Variants in PTPRD observed in about 807,000 individuals in gnomAD.
PTPRD encodes receptor-type tyrosine-protein phosphatase delta.
A neutral mutation model predicts 214.5 loss-of-function variants in PTPRD; 34 were observed. The observed-to-expected ratio is 0.16, with a 90% CI of 0.12 to 0.21. The LOEUF is 0.21. Among genes scored for constraint, PTPRD ranks in the 10% least tolerant of loss-of-function variants. The pLI, the probability that PTPRD is intolerant of heterozygous loss-of-function variation, is 1.00. For missense variants in PTPRD, 2,545 were observed against 2,398.7 expected (o/e 1.06, Z -1.27); for synonymous variants, 1,128 against 845.7 (o/e 1.33, Z -5.79).
intron 11 of PTPRD, among the ~76,000 whole-genome samples, chr9:8,738,194 A>T (rs1490491459): frequency 6.6e-6 from 1 of 152,232 alleles, no homozygotes; most frequent in Non-Finnish European, 1.5e-5. Context: ...ATAATTTGAA[A>T]TGGAACAACA....
chr9:9,350,215 A>G (rs1318947080), intron 9 of PTPRD, among the ~76,000 whole-genome samples: 1 of 152,056 alleles, frequency 6.6e-6, no homozygotes, highest in African/African-American at 2.4e-5. Context: ...AATTTTTGTC[A>G]TATAGAAATA....
chr9:9,170,929 G>A (rs1222504316), intron 10 of PTPRD, among the ~76,000 whole-genome samples: 1 of 152,166 alleles, frequency 6.6e-6, no homozygotes, highest in Non-Finnish European at 1.5e-5. Context: ...CCAGATGCAA[G>A]TGTGGTGACT....
intron 3 of PTPRD, among the ~76,000 whole-genome samples, chr9:10,060,803 C>CTTTCTTTCTTT (rs1555531077): frequency 1.4e-4 from 14 of 103,250 alleles, no homozygotes; most frequent in African/African-American, 1.2e-3. Context: ...TTTCTTTCTT[C>CTTTCTTTCTTT]CTTTCTTTCT....
At chr9:10,486,985 C>T (rs1450867972) in intron 2 of PTPRD, among the ~76,000 whole-genome samples, 1 of 152,114 alleles carries the variant, frequency 6.6e-6, no homozygotes, top group Non-Finnish European at 1.5e-5. Context: ...CTGGGTGCTC[C>T]AGTGTTGGAT....
intron 7 of PTPRD, among the ~76,000 whole-genome samples, chr9:9,695,435 G>C (rs1386414171): frequency 6.6e-6 from 1 of 152,148 alleles, no homozygotes; most frequent in Admixed American, 6.5e-5. Context: ...CCCTCTCTTA[G>C]CTGTGCCCAT....
At chr9:8,890,475 A>G (rs1313714726) in intron 11 of PTPRD, among the ~76,000 whole-genome samples, 1 of 152,220 alleles carries the variant, frequency 6.6e-6, no homozygotes, top group South Asian at 2.1e-4. Flanking sequence ...CTTGCAAGTG[A>G]CACAGAACCA....
chr9:10,303,603 T>C (rs1195260441), intron 3 of PTPRD, among the ~76,000 whole-genome samples: 3 of 152,130 alleles, frequency 2.0e-5, no homozygotes, highest in Non-Finnish European at 4.4e-5. Flanking sequence ...CCTACAGTAA[T>C]ACAAACTACC....
intron 8 of PTPRD, among the ~76,000 whole-genome samples, chr9:9,504,467 C>T (rs1191919885): frequency 6.6e-6 from 1 of 151,612 alleles, no homozygotes; most frequent in Non-Finnish European, 1.5e-5. Context: ...CACACATTTA[C>T]TATGGTTTCA....
intron 2 of PTPRD, among the ~76,000 whole-genome samples, chr9:10,376,595 C>G (rs779898190): frequency 7.9e-5 from 12 of 151,638 alleles, no homozygotes; most frequent in Non-Finnish European, 1.3e-4. Context: ...AATCATCCCC[C>G]TATCTCATAG....
At chr9:9,932,105 G>C (rs1243495993) in intron 5 of PTPRD, among the ~76,000 whole-genome samples, 26 of 142,196 alleles carry the variant, frequency 1.8e-4, no homozygotes, top group East Asian at 1.1e-3. Flanking sequence ...ACCAAAAGTA[G>C]ATAAAACCAC....
chr9:8,899,516 A>C (rs16928589), intron 11 of PTPRD, among the ~76,000 whole-genome samples: 3,783 of 152,242 alleles, frequency 0.025, 157 homozygotes, highest in African/African-American at 0.085. Context: ...AAGGTCTCAA[A>C]GCAGAAATTT....
At chr9:9,652,668 G>T (rs2096394789) in intron 7 of PTPRD, among the ~76,000 whole-genome samples, 1 of 150,736 alleles carries the variant, frequency 6.6e-6, no homozygotes, top group Admixed American at 6.6e-5. Flanking sequence ...AGGCTGGAGT[G>T]CAATGGCACG....
chr9:10,020,422 C>T (rs1338681894), intron 4 of PTPRD, among the ~76,000 whole-genome samples: 1 of 145,360 alleles, frequency 6.9e-6, no homozygotes, highest in Non-Finnish European at 1.5e-5. Flanking sequence ...TTGCCTCAGC[C>T]TCCCGAGTAG....
chr9:8,923,056 T>G (rs2098839017), intron 11 of PTPRD, among the ~76,000 whole-genome samples: 1 of 151,840 alleles, frequency 6.6e-6, no homozygotes, highest in Non-Finnish European at 1.5e-5. Flanking sequence ...TTTTTGTTGT[T>G]TTTGAGACTG....
chr9:9,537,340 G>T (rs911558983), intron 8 of PTPRD, among the ~76,000 whole-genome samples: 2 of 151,934 alleles, frequency 1.3e-5, no homozygotes, highest in East Asian at 3.9e-4. Flanking sequence ...CATCCATGTC[G>T]TTAGTCCAGT....
At chr9:8,387,187 G>A (rs2135526048) in intron 37 of PTPRD, among the ~76,000 whole-genome samples, 1 of 152,256 alleles carries the variant, frequency 6.6e-6, no homozygotes, top group East Asian at 1.9e-4. Context: ...TTAATGAAGG[G>A]AGCAAACAGA....
chr9:8,796,123 T>C (rs1418917610), intron 11 of PTPRD, among the ~76,000 whole-genome samples: 1 of 152,160 alleles, frequency 6.6e-6, no homozygotes, highest in East Asian at 1.9e-4. Context: ...CAGCAGAAAA[T>C]GCTATAGGCC....
Position 8,969,781 on chromosome 9 carries a change from T to C in PTPRD, c.-104+48916A>G, listed in dbSNP as rs116109384. Among the ~76,000 whole-genome samples the C allele has an allele frequency of 3.8e-3, 580 of 151,964 alleles. 1 individual carries two copies. Among genetic ancestry groups the C allele is most frequent in the African/African-American group, 0.013 (535 of 41,510 alleles). ...GAGTATGATCTCATACCTTTGCCCC[T>C]AGGGTCAAGAAAAGTATAAAAAAGT... is the stretch of plus-strand genomic sequence containing the variant. On this transcript the variant is annotated intron_variant, in intron 11 of 45. Coordinates refer to ENST00000381196, the MANE Select transcript of PTPRD (RefSeq NM_002839.4).
intron 5 of PTPRD, among the ~76,000 whole-genome samples, chr9:9,795,384 G>C (rs2098995374): frequency 6.6e-6 from 1 of 152,126 alleles, no homozygotes; most frequent in Non-Finnish European, 1.5e-5. Context: ...TATAGGGCTA[G>C]AGATCTGATC....
Sources: allele counts gnomAD v4.1 joint callset (sites outside exome capture counted in the v4.1 genomes callset), GRCh38; gene constraint gnomAD v4.1.1; transcripts MANE v1.5; gene names NCBI Gene and HGNC (gene_info 2026-07-23, HGNC 2026-07-21).